The following PIK3R3 variants were observed in gnomAD, a reference collection of about 807,000 sequenced individuals.
The protein encoded by PIK3R3 is phosphatidylinositol 3-kinase regulatory subunit gamma.
PIK3R3 carries 64 observed loss-of-function variants against 62.9 expected under a neutral mutation model. The observed-to-expected ratio is 1.02, with a 90% CI of 0.83 to 1.25. The LOEUF (loss-of-function observed/expected upper bound fraction) is 1.25, where lower values mean the gene tolerates loss of function less well. Ranked by LOEUF, PIK3R3 falls within the 50% of genes most tolerant of loss-of-function variation. The pLI, the probability that PIK3R3 is intolerant of heterozygous loss-of-function variation, is 0.00. For missense variants in PIK3R3, 614 were observed against 561.6 expected (o/e 1.09, Z -0.94); for synonymous variants, 165 against 189.0 (o/e 0.87, Z 1.04).
At chr1:46,071,987 G>A (rs570475255) in intron 3 of PIK3R3, among the ~76,000 whole-genome samples, 9 of 151,610 alleles carry the variant, frequency 5.9e-5, no homozygotes, top group East Asian at 1.9e-4. Context: ...TCTCACCTCC[G>A]TATATTTGCT....
intron 1 of PIK3R3, among the ~76,000 whole-genome samples, chr1:46,109,449 T>C (rs1653530018): frequency 6.6e-6 from 1 of 152,124 alleles, no homozygotes; most frequent in Non-Finnish European, 1.5e-5. Context: ...TTGAAAAATC[T>C]CTACCCGGCT....
the PIK3R3 span, among the ~76,000 whole-genome samples, chr1:46,165,751 C>CTTTTTTTTTTTTTTT: frequency 7.1e-4 from 28 of 39,540 alleles, 13 homozygotes; most frequent in East Asian, 2.1e-3. Flanking sequence ...CTGCTTTGTC[C>CTTTTTTTTTTTTTTT]TTTTTTTTTT....
the PIK3R3 span, among the ~76,000 whole-genome samples, chr1:46,167,877 C>T: frequency 3.3e-5 from 5 of 152,176 alleles, no homozygotes; most frequent in Admixed American, 3.3e-4. Flanking sequence ...TACCTGTGGC[C>T]GGGTGCAGTG....
intron 6 of PIK3R3, among the ~76,000 whole-genome samples, chr1:46,057,966 G>T (rs1381305089): frequency 6.6e-6 from 1 of 152,194 alleles, no homozygotes; most frequent in Non-Finnish European, 1.5e-5. Context: ...CATGTCAGAG[G>T]TCTTCAAGGC....
At chr1:46,121,058 G>T (rs1186160624) in intron 1 of PIK3R3, among the ~76,000 whole-genome samples, 3 of 152,200 alleles carry the variant, frequency 2.0e-5, no homozygotes, top group Non-Finnish European at 4.4e-5. Flanking sequence ...AAGGATGGCA[G>T]AATTGAGCAA....
At position 46,066,044 on chromosome 1, in the gene PIK3R3, A is replaced by ATTTGATC; in HGVS notation, c.621+9_621+10insGATCAAA. 1 of 1,606,786 alleles carries ATTTGATC rather than the reference A, an allele frequency of 6.2e-7. No homozygotes were observed. The highest frequency in any genetic ancestry group is 2.2e-5 in the East Asian group (1 of 44,654). ...ACACATATTAGTCAAAAACAACATA[A>ATTTGATC]TATACCAACCTGGGATGTTCTAGTA... On this transcript the variant is annotated intron_variant, in intron 5 of 9. Coordinates refer to ENST00000262741, the MANE Select transcript of PIK3R3 (RefSeq NM_003629.4).
chr1:46,159,078 C>T, the PIK3R3 span, among the ~76,000 whole-genome samples: 1 of 130,454 alleles, frequency 7.7e-6, no homozygotes, highest in Non-Finnish European at 1.7e-5. Flanking sequence ...CAAAGTGAGA[C>T]TCCATCTCAA....
chr1:46,080,902 G>T, intron 1 of PIK3R3, 152 bp from the exon 2 acceptor site: 1 of 569,944 alleles, frequency 1.8e-6, no homozygotes, highest in South Asian at 2.7e-5. Context: ...GCAACAGAAG[G>T]AATCCTTTTG....
intron 9 of PIK3R3, 119 bp downstream of exon 9, chr1:46,045,799 C>T (rs1228299971): frequency 7.1e-6 from 6 of 850,644 alleles, no homozygotes; most frequent in African/African-American, 5.2e-5. Context: ...AGTTATGGTC[C>T]GAGCCATGGG....
intron 1 of PIK3R3, among the ~76,000 whole-genome samples, chr1:46,120,303 C>T (rs982240402): frequency 2.0e-5 from 3 of 152,158 alleles, no homozygotes; most frequent in African/African-American, 4.8e-5. Context: ...TGTGGCTGGG[C>T]GCGGTGGCTC....
chr1:46,125,915 C>A (rs1264825550), intron 1 of PIK3R3, among the ~76,000 whole-genome samples: 1 of 152,058 alleles, frequency 6.6e-6, no homozygotes, highest in Non-Finnish European at 1.5e-5. Context: ...CGCCCGCCAC[C>A]ACACCCAGCT....
the PIK3R3 span, among the ~76,000 whole-genome samples, chr1:46,138,684 A>G: frequency 3.9e-5 from 6 of 152,338 alleles, no homozygotes; most frequent in Non-Finnish European, 7.3e-5. Context: ...AGCCTCCCCA[A>G]ACACTTCTGC....
rs1647005153 is a variant in PIK3R3 at position 46,041,958 on chromosome 1, CTAA to C, written c.*1712_*1714del. ...TCATGGAAATAAGTGCTCAGGTAAA[CTAA>C]TATTTTTCTTTCACCCCCAGAACTA... is the stretch of plus-strand genomic sequence containing the variant. On this transcript the variant is annotated 3_prime_UTR_variant, in exon 10 of 10. Coordinates refer to ENST00000262741, the MANE Select transcript of PIK3R3 (RefSeq NM_003629.4). 1 of 219,222 alleles carries C rather than the reference CTAA, an allele frequency of 4.6e-6. No homozygotes were observed. The highest frequency in any genetic ancestry group is 9.2e-6 in the Non-Finnish European group (1 of 109,212). 13.6% of individuals were successfully genotyped at this position (219,222 alleles called of 1,614,324 possible).
At chr1:46,160,883 A>C in the PIK3R3 span, among the ~76,000 whole-genome samples, 1 of 152,174 alleles carries the variant, frequency 6.6e-6, no homozygotes, top group African/African-American at 2.4e-5. Flanking sequence ...GTGTTCCCCA[A>C]AGGAAAATGG....
In PIK3R3 at chr1:46,132,064, T is replaced by G; in HGVS notation, c.-112A>C. On this transcript the variant is annotated 5_prime_UTR_variant, in exon 1 of 10. Coordinates refer to ENST00000262741, the MANE Select transcript of PIK3R3 (RefSeq NM_003629.4). The stretch of plus-strand genomic sequence containing the variant: ...CAAAAGTTCCACACGGAAATGTACT[T>G]CGGGTTTTCCAACGGCCAGTACCAG... 1.4e-6 allele frequency: 2 copies of G among 1,478,062 alleles called. No homozygotes were observed. Among genetic ancestry groups the G allele is most frequent in the Non-Finnish European group, 1.8e-6 (2 of 1,115,742 alleles). 91.6% of individuals were successfully genotyped at this position (1,478,062 alleles called of 1,614,324 possible).
At chr1:46,151,379 A>G in the PIK3R3 span, among the ~76,000 whole-genome samples, 1 of 152,090 alleles carries the variant, frequency 6.6e-6, no homozygotes, top group African/African-American at 2.4e-5. Flanking sequence ...CCCTCTTTCT[A>G]GGATTATCCC....
chr1:46,086,265 TA>T (rs1651045099), intron 1 of PIK3R3, among the ~76,000 whole-genome samples: 1 of 152,198 alleles, frequency 6.6e-6, no homozygotes, highest in Non-Finnish European at 1.5e-5. Flanking sequence ...GGTATGTATG[TA>T]TATTGTATAT....
intron 1 of PIK3R3, among the ~76,000 whole-genome samples, chr1:46,122,883 T>C (rs1044748740): frequency 6.6e-6 from 1 of 152,054 alleles, no homozygotes; most frequent in African/African-American, 2.4e-5. Flanking sequence ...GTTGGATCCA[T>C]GGGCCTAAAA....
At chr1:46,090,407 C>T (rs981852923) in intron 1 of PIK3R3, among the ~76,000 whole-genome samples, 3 of 152,128 alleles carry the variant, frequency 2.0e-5, no homozygotes, top group African/African-American at 7.2e-5. Context: ...TCTCGGCTCA[C>T]TGCAACCTCC....
Sources: allele counts gnomAD v4.1 joint callset (sites outside exome capture counted in the v4.1 genomes callset), GRCh38; gene constraint gnomAD v4.1.1; transcripts MANE v1.5; gene names NCBI Gene and HGNC (gene_info 2026-07-23, HGNC 2026-07-21).